The following CLYBL variants were observed in gnomAD, a reference collection of about 807,000 sequenced individuals.
CLYBL encodes the protein citramalyl-CoA lyase, mitochondrial.
Under a neutral mutation model 38.9 loss-of-function variants are expected in CLYBL, and 31 were observed. The observed-to-expected ratio is 0.80, with a 90% CI of 0.60 to 1.08. The LOEUF is 1.08. CLYBL is among the 50% of genes least tolerant of loss of function. CLYBL has a pLI of 0.00. For missense variants in CLYBL, 434 were observed against 411.6 expected (o/e 1.05, Z -0.47); for synonymous variants, 171 against 158.6 (o/e 1.08, Z -0.59).
At chr13:99,881,589 ATTTTTTT>A (rs1017589977) in intron 7 of CLYBL, among the ~76,000 whole-genome samples, 2 of 136,254 alleles carry the variant, frequency 1.5e-5, no homozygotes, top group Admixed American at 7.4e-5. Context: ...CATCCAGTTA[ATTTTTTT>A]TTTTTTTTTT....
At chr13:99,729,795 C>T (rs912197525) in intron 1 of CLYBL, among the ~76,000 whole-genome samples, 3 of 152,202 alleles carry the variant, frequency 2.0e-5, no homozygotes, top group African/African-American at 7.2e-5. Context: ...TATGTGTTCT[C>T]CTGACTCCCT....
intron 1 of CLYBL, among the ~76,000 whole-genome samples, chr13:99,673,042 G>T (rs1239720527): frequency 6.6e-6 from 1 of 152,108 alleles, no homozygotes; most frequent in Non-Finnish European, 1.5e-5. Context: ...AATTCAGCAG[G>T]CTGATGGTAA....
chr13:99,781,779 G>C (rs2049661236), intron 2 of CLYBL, among the ~76,000 whole-genome samples: 1 of 152,146 alleles, frequency 6.6e-6, no homozygotes, highest in Admixed American at 6.6e-5. Context: ...TGGCTGGCCA[G>C]TTTGTTTATT....
rs553173100 is a variant in CLYBL at position 99,662,643 on chromosome 13, T to A, written c.62+55886T>A. 5.9e-5 allele frequency among the ~76,000 whole-genome samples: 9 copies of A among 152,174 alleles called. No homozygotes were observed. The South Asian group carries it at 1.9e-3, about 32-fold the overall frequency. On this transcript the variant is annotated intron_variant, in intron 1 of 8. Transcript: ENST00000339105. ...AATTGTCACATTTTAAAGTACAGAT[T>A]TATGGGATAGCCTGACAAATGGATA...
intron 2 of CLYBL, among the ~76,000 whole-genome samples, chr13:99,778,605 T>A (rs2049572324): frequency 6.6e-6 from 1 of 152,172 alleles, no homozygotes; most frequent in South Asian, 2.1e-4. Flanking sequence ...TTTAAGTAGC[T>A]CCTTCATGTC....
chr13:99,762,169 T>C (rs1057038547), intron 1 of CLYBL, among the ~76,000 whole-genome samples: 4 of 152,210 alleles, frequency 2.6e-5, no homozygotes, highest in African/African-American at 9.6e-5. Context: ...TTTTTTAGCT[T>C]GATGTAATCC....
intron 1 of CLYBL, among the ~76,000 whole-genome samples, chr13:99,629,837 C>T (rs2046918779): frequency 6.6e-6 from 1 of 152,178 alleles, no homozygotes; most frequent in African/African-American, 2.4e-5. Flanking sequence ...CTTGTCGAGT[C>T]TTCTTTCTTT....
chr13:99,764,769 T>C (rs1309906180), intron 1 of CLYBL, among the ~76,000 whole-genome samples: 3 of 152,062 alleles, frequency 2.0e-5, no homozygotes, highest in African/African-American at 4.8e-5. Context: ...CCTGAACTCG[T>C]GGGCTGAAGC....
chr13:99,768,356 C>T (rs544738218), intron 1 of CLYBL, among the ~76,000 whole-genome samples: 14 of 150,000 alleles, frequency 9.3e-5, no homozygotes, highest in African/African-American at 3.2e-4. Context: ...CACCACACCC[C>T]GCTGATTTTT....
chr13:99,750,702 G>T, intron 1 of CLYBL, among the ~76,000 whole-genome samples: 1 of 144,466 alleles, frequency 6.9e-6, no homozygotes, highest in African/African-American at 2.6e-5. Context: ...GAAATTTATT[G>T]ATGTATTATT....
chr13:99,715,725 C>A (rs1396797298), intron 1 of CLYBL, among the ~76,000 whole-genome samples: 2 of 152,192 alleles, frequency 1.3e-5, no homozygotes, highest in African/African-American at 2.4e-5. Context: ...TACCAGGAAC[C>A]TCTAGTTCCT....
chr13:99,662,144 G>GGTTTACTTTGGTTGTC (rs1182128302), intron 1 of CLYBL, among the ~76,000 whole-genome samples: 1 of 152,140 alleles, frequency 6.6e-6, no homozygotes, highest in African/African-American at 2.4e-5. Flanking sequence ...CCTTTAAAGA[G>GGTTTACTTTGGTTGTC]GTTTACTTTG....
At chr13:99,886,646 G>A (rs565143547) in intron 7 of CLYBL, among the ~76,000 whole-genome samples, 4 of 152,332 alleles carry the variant, frequency 2.6e-5, no homozygotes, top group African/African-American at 7.2e-5. Context: ...GGAGTTCCAC[G>A]GCAACGCGTG....
chr13:99,908,620 CCA>C lies in CLYBL; in HGVS notation c.*731_*732del, dbSNP rs550226633. Among the ~76,000 whole-genome samples the C allele has an allele frequency of 7.2e-5, 11 of 152,198 alleles. No individual in the cohort carries two copies. In the South Asian group the frequency reaches 2.1e-3, roughly 29 times the overall value. On this transcript the variant is annotated 3_prime_UTR_variant and NMD_transcript_variant, in exon 10 of 10. Transcript: ENST00000689673. Reference sequence around the variant, plus strand: ...AATAGCTGTTTGCAATGTTATTTCACCACACAGTGTGGTAGGGAGGGAACTGA... The same window carrying C: ...AATAGCTGTTTGCAATGTTATTTCACCACAGTGTGGTAGGGAGGGAACTGA...
intron 1 of CLYBL, among the ~76,000 whole-genome samples, chr13:99,676,993 G>T (rs2047663248): frequency 6.6e-6 from 1 of 150,530 alleles, no homozygotes; most frequent in Non-Finnish European, 1.5e-5. Flanking sequence ...AAAGGACAAA[G>T]TTGGACAGTA....
intron 2 of CLYBL, among the ~76,000 whole-genome samples, chr13:99,856,650 C>T (rs1007494807): frequency 6.6e-5 from 10 of 151,966 alleles, no homozygotes; most frequent in Non-Finnish European, 2.9e-5. Flanking sequence ...TGTTTGTTTT[C>T]GCTTTTGAGA....
intron 2 of CLYBL, among the ~76,000 whole-genome samples, chr13:99,778,328 T>C (rs1208677754): frequency 6.6e-6 from 1 of 151,514 alleles, no homozygotes; most frequent in East Asian, 1.9e-4. Flanking sequence ...AAGAAATCCA[T>C]ATTAAAACTC....
At chr13:99,855,523 A>G (rs2051438419) in intron 2 of CLYBL, among the ~76,000 whole-genome samples, 1 of 152,152 alleles carries the variant, frequency 6.6e-6, no homozygotes, top group Non-Finnish European at 1.5e-5. Flanking sequence ...GAAAGTGTGA[A>G]GCGTGAAGGA....
intron 1 of CLYBL, among the ~76,000 whole-genome samples, chr13:99,705,631 T>TA (rs2139473420): frequency 6.6e-6 from 1 of 151,946 alleles, no homozygotes; most frequent in Non-Finnish European, 1.5e-5. Context: ...ACCTTGAAGA[T>TA]ATGCTGAGTG....
Sources: gnomAD v4.1 joint callset for allele counts (sites outside exome capture counted in the v4.1 genomes callset) on GRCh38, gnomAD v4.1.1 for gene constraint, MANE v1.5 for transcripts, NCBI Gene and HGNC (gene_info 2026-07-23, HGNC 2026-07-21) for gene names.